Variants in FMN1 observed in about 807,000 individuals in gnomAD.
FMN1 encodes the protein formin-1.
In FMN1, 110 loss-of-function variants were observed where a neutral mutation model predicts 132.4. The ratio of observed to expected loss-of-function variants is 0.83; its 90% CI spans 0.71 to 0.97. The LOEUF (loss-of-function observed/expected upper bound fraction) is 0.97. Ranked by LOEUF, FMN1 falls within the 50% of genes least tolerant of loss-of-function variation. The probability of loss-of-function intolerance (pLI) is 0.00; values close to 1 mark genes in which losing one functional copy is unlikely to be tolerated. For synonymous variants in FMN1, 722 were observed against 651.7 expected (o/e 1.11, Z -1.64); for missense variants, 1,792 against 1,705.3 (o/e 1.05, Z -0.90).
In FMN1 at chr15:33,024,223, A is replaced by ATTTTTTTT. The variant is rs555760509; in HGVS notation, c.2162-16156_2162-16149dup. ...GGGAATACTATTTCACACCTATCAG[A>ATTTTTTTT]TTTTTTTTTTTTTTTTTTTTTTTTT... On this transcript the variant is annotated intron_variant, in intron 6 of 20. Transcript: ENST00000616417. Among the ~76,000 whole-genome samples, 110 of 88,010 alleles carry ATTTTTTTT rather than the reference A, an allele frequency of 1.2e-3. 22 individuals carry two copies. The highest frequency in any genetic ancestry group is 4.3e-3 in the East Asian group (9 of 2,086). 57.7% of individuals were successfully genotyped at this position (88,010 alleles called of 152,430 possible).
intron 7 of FMN1, 97 bp from the exon 8 acceptor site, chr15:32,969,574 C>T: frequency 1.5e-6 from 2 of 1,303,790 alleles, no homozygotes; most frequent in South Asian, 2.9e-5. Flanking sequence ...GCCACTGTAG[C>T]ATGGCCCACA....
chr15:33,000,617 C>G (rs1452704203), intron 7 of FMN1, among the ~76,000 whole-genome samples: 1 of 151,902 alleles, frequency 6.6e-6, no homozygotes, highest in Non-Finnish European at 1.5e-5. Context: ...TCCATCTTTA[C>G]AAAAACAAGA....
At chr15:32,834,893 T>C (rs1216300933) in intron 17 of FMN1, among the ~76,000 whole-genome samples, 1 of 152,172 alleles carries the variant, frequency 6.6e-6, no homozygotes, top group East Asian at 1.9e-4. Context: ...ATCTAAGGCT[T>C]TTATTCAGGT....
chr15:33,025,502 A>G (rs1022580083), intron 6 of FMN1, among the ~76,000 whole-genome samples: 4 of 152,192 alleles, frequency 2.6e-5, no homozygotes, highest in African/African-American at 9.6e-5. Context: ...GCTTTCTATA[A>G]TGCAATTAAA....
chr15:33,019,382 T>C (rs1213787470), intron 6 of FMN1, among the ~76,000 whole-genome samples: 3 of 152,292 alleles, frequency 2.0e-5, no homozygotes, highest in East Asian at 1.9e-4. Context: ...GACATAAAGA[T>C]TCTCCAAGAC....
chr15:32,970,739 T>C (rs1160470467), intron 7 of FMN1: 2 of 152,172 alleles, frequency 1.3e-5, no homozygotes, highest in African/African-American at 4.8e-5. Flanking sequence ...ACTATGATGT[T>C]TGCATAGTTC....
chr15:32,905,649 A>G (rs2060406795), intron 12 of FMN1, among the ~76,000 whole-genome samples: 1 of 152,218 alleles, frequency 6.6e-6, no homozygotes, highest in African/African-American at 2.4e-5. Context: ...TGATGAGGTG[A>G]GTGATGAGGC....
intron 9 of FMN1, among the ~76,000 whole-genome samples, chr15:32,929,892 G>A (rs2061062479): frequency 6.6e-6 from 1 of 151,564 alleles, no homozygotes; most frequent in Non-Finnish European, 1.5e-5. Flanking sequence ...CTGCAACATG[G>A]GAATATCTTT....
chr15:33,044,695 G>C (rs137928794), intron 6 of FMN1, among the ~76,000 whole-genome samples: 276 of 152,242 alleles, frequency 1.8e-3, no homozygotes, highest in African/African-American at 6.2e-3. Context: ...ACTGAGAGCT[G>C]AAAGGGGATG....
Position 33,015,188 on chromosome 15 carries a change from T to C in FMN1, c.2162-7113A>G, listed in dbSNP as rs1263591841. Among the ~76,000 whole-genome samples the C allele has an allele frequency of 2.0e-5, 3 of 152,236 alleles. No homozygotes were observed. The South Asian group carries it at 6.2e-4, about 31-fold the overall frequency. ...CGTTCTTGCCGTTCTTTTGGTTACATAAGCAGCAGATGCAAACAAAACCCC... is the reference window on the plus strand; with the variant it reads ...CGTTCTTGCCGTTCTTTTGGTTACACAAGCAGCAGATGCAAACAAAACCCC... On this transcript the variant is annotated intron_variant, in intron 6 of 20. Coordinates refer to ENST00000616417, the MANE Select transcript of FMN1 (RefSeq NM_001277313.2).
intron 16 of FMN1, chr15:32,860,744 C>T (rs2059249907): frequency 6.6e-6 from 1 of 152,242 alleles, no homozygotes; most frequent in South Asian, 2.1e-4. Context: ...CTTGCTTGCC[C>T]TTCCCCTGCA....
At chr15:32,933,530 T>C (rs1225421967) in intron 9 of FMN1, among the ~76,000 whole-genome samples, 1 of 152,202 alleles carries the variant, frequency 6.6e-6, no homozygotes, top group Non-Finnish European at 1.5e-5. Context: ...CCTTATTGTT[T>C]ATCTATCTTG....
chr15:33,048,289 A>C (rs1169079102), intron 6 of FMN1, among the ~76,000 whole-genome samples: 1 of 152,186 alleles, frequency 6.6e-6, no homozygotes, highest in Non-Finnish European at 1.5e-5. Context: ...AATTAGCCAT[A>C]TCCCTTAGCT....
intron 4 of FMN1, among the ~76,000 whole-genome samples, chr15:33,114,772 C>T (rs555067836): frequency 6.6e-6 from 1 of 152,178 alleles, no homozygotes; most frequent in African/African-American, 2.4e-5. Flanking sequence ...AAAACAACTA[C>T]AGAACTATCA....
chr15:32,917,917 A>T (rs978181546), intron 10 of FMN1, among the ~76,000 whole-genome samples: 5 of 152,176 alleles, frequency 3.3e-5, no homozygotes, highest in African/African-American at 4.8e-5. Context: ...TGTTATGAAA[A>T]TTTCATTTAT....
chr15:33,127,995 G>T (rs987287175), intron 4 of FMN1, among the ~76,000 whole-genome samples: 5 of 152,132 alleles, frequency 3.3e-5, no homozygotes, highest in African/African-American at 7.2e-5. Flanking sequence ...AAGGGCAACG[G>T]GGGAAGGGGA....
Position 32,969,053 on chromosome 15 carries a change from G to A in FMN1, c.2648C>T (p.Ser883Leu). 3 of 1,535,036 alleles carry A rather than the reference G, an allele frequency of 2.0e-6. No individual in the cohort carries two copies. Among genetic ancestry groups the A allele is most frequent in the Non-Finnish European group, 2.7e-6 (3 of 1,131,196 alleles). ...TGCGGGAGACAAAGATCCAAGTCCTGAGGGGAGGGGCGGAGGGGGAGGGAT... is the reference window on the plus strand; with the variant it reads ...TGCGGGAGACAAAGATCCAAGTCCTAAGGGGAGGGGCGGAGGGGGAGGGAT... ...ASIPPPPPLP[S>L]GLGSLSPAPP... Residue 883 changes from serine (S) to leucine (L), a missense_variant, in exon 8 of 21, where the codon TCA becomes TTA. By Grantham distance (145) the Ser-to-Leu change is moderately radical. Around this residue, in one of 3 missense-constraint regions of FMN1, gnomAD observed 1,150 missense variants for 1,043.1 expected, o/e 1.10. Transcript: ENST00000616417.
intron 17 of FMN1, among the ~76,000 whole-genome samples, chr15:32,808,694 G>C (rs1397536473): frequency 6.6e-6 from 1 of 152,174 alleles, no homozygotes; most frequent in Non-Finnish European, 1.5e-5. Context: ...GATTAATCTA[G>C]TGACTGACAT....
chr15:32,927,934 G>GT (rs2061003478), intron 9 of FMN1, among the ~76,000 whole-genome samples: 1 of 152,180 alleles, frequency 6.6e-6, no homozygotes, highest in Non-Finnish European at 1.5e-5. Flanking sequence ...AGACTAAACA[G>GT]TAACAAACAT....
Sources: gnomAD v4.1 joint callset for allele counts (sites outside exome capture counted in the v4.1 genomes callset) on GRCh38, gnomAD v4.1.1 for gene constraint, gnomAD v4.1.1 regional missense constraint, MANE v1.5 for transcripts, NCBI Gene and HGNC (gene_info 2026-07-23, HGNC 2026-07-21) for gene names.